Variants in PLEKHG6 observed in about 807,000 individuals in gnomAD.
The protein encoded by PLEKHG6 is pleckstrin homology and RhoGEF domain containing G6.
In PLEKHG6, 91 loss-of-function variants were observed where a neutral mutation model predicts 97.5. That is an observed-to-expected ratio of 0.93 (90% CI 0.79 to 1.11). The LOEUF is 1.11. Ranked by LOEUF, PLEKHG6 falls within the 50% of genes most tolerant of loss-of-function variation. The pLI, the probability that PLEKHG6 is intolerant of heterozygous loss-of-function variation, is 0.00. For synonymous variants in PLEKHG6, 466 were observed against 425.5 expected, an observed-to-expected ratio of 1.10 and a Z score of -1.17; for missense variants, 1,044 against 1,031.0, an observed-to-expected ratio of 1.01 and a Z score of -0.17.
rs1018856960 is a variant in PLEKHG6 at position 6,313,707 on chromosome 12, A to G, written c.217A>G (p.Arg73Gly). The change falls in exon 3 of 16, where the codon AGA becomes GGA. Residue 73 changes from arginine (R) to glycine (G), a missense_variant. By Grantham distance (125) the Arg-to-Gly change is moderately radical. Coordinates refer to ENST00000684764, the MANE Select transcript of PLEKHG6 (RefSeq NM_001384598.1). ...SGQARGLSPM[R>G]LRDPEPEKRH... Reference sequence around the variant, plus strand: ...CCAGGCCCGAGGCCTGTCACCCATGAGACTGCGAGATCCAGAGCCCGAGAA... The same window carrying G: ...CCAGGCCCGAGGCCTGTCACCCATGGGACTGCGAGATCCAGAGCCCGAGAA... 1 of 1,613,194 alleles carries G rather than the reference A, an allele frequency of 6.2e-7. No homozygotes were observed. Among genetic ancestry groups the G allele is most frequent in the African/African-American group, 1.3e-5 (1 of 74,888 alleles).
At position 6,318,470 on chromosome 12, in the gene PLEKHG6, G is replaced by GT. The variant is rs777051709; in HGVS notation, c.1275+51dup. ...AGGGGATGGGGCACGGTGGGAGAAG[G>GT]TAAGAGGCAGAAACGCCGGAAGTGG... On this transcript the variant is annotated intron_variant, in intron 11 of 15. Transcript: ENST00000684764. 6 of 1,551,932 alleles carry GT rather than the reference G, an allele frequency of 3.9e-6. No homozygotes were observed. In the African/African-American group the frequency reaches 8.2e-5, roughly 21 times the overall value.
At chr12:6,313,093 G>A (rs1358365145) in intron 2 of PLEKHG6, 2 of 1,533,522 alleles carry the variant, frequency 1.3e-6, no homozygotes, top group Non-Finnish European at 1.8e-6. Context: ...GGGAGGAGCT[G>A]TGTGGCTGTG....
Position 6,316,456 on chromosome 12 carries a change from G to T in PLEKHG6, c.756+52G>T. The T allele has an allele frequency of 2.0e-6, 3 of 1,498,404 alleles. No individual in the cohort carries two copies. The highest frequency in any genetic ancestry group is 2.7e-6 in the Non-Finnish European group (3 of 1,113,770). The allele number at this position is 1,498,404 out of a possible 1,614,324, so 92.8% of individuals were successfully genotyped here. Reference sequence around the variant, plus strand: ...GATGGGGCAGGACTCGGAGCCCTCGGGGGTCCTGTGTGTAGGGCATGCCCA... The same window carrying T: ...GATGGGGCAGGACTCGGAGCCCTCGTGGGTCCTGTGTGTAGGGCATGCCCA... On this transcript the variant is annotated intron_variant, in intron 7 of 15. Coordinates refer to ENST00000684764, the MANE Select transcript of PLEKHG6 (RefSeq NM_001384598.1). The surrounding 1 kb of genome is among the most constrained non-coding windows in gnomAD (Gnocchi z 4.1).
intron 3 of PLEKHG6, 59 bp downstream of exon 3, chr12:6,313,843 C>T: frequency 1.4e-6 from 2 of 1,455,014 alleles, no homozygotes; most frequent in South Asian, 2.7e-5. Flanking sequence ...GATGGCTCCG[C>T]AGATGACCAG....
chr12:6,317,369 C>G lies in PLEKHG6; in HGVS notation c.823C>G (p.Arg275Gly), dbSNP rs1255244692. 1.9e-6 allele frequency: 3 copies of G among 1,614,088 alleles called. No individual in the cohort carries two copies. In the African/African-American group the frequency reaches 4.0e-5, roughly 22 times the overall value. ...AGTGAAGCAGACCATGGCTTACGCC[C>G]GAGAACAGCAAGAAACTAACCCTCT... ...LRVKQTMAYA[R>G]EQQETNPLFH... Residue 275 changes from arginine (R) to glycine (G), a missense_variant, in exon 8 of 16, where the codon CGA (arginine) becomes GGA (glycine). Arg to Gly is a moderately radical substitution (Grantham distance 125). Transcript: ENST00000684764.
chr12:6,327,372 A>G lies in PLEKHG6; in HGVS notation c.1789A>G (p.Thr597Ala), dbSNP rs772083893. ...DSGYGTLIPGTPTGSRSPLSR... is the reference protein window; with the variant it reads ...DSGYGTLIPGAPTGSRSPLSR... ...TGGCTACGGCACTTTGATCCCAGGC[A>G]CCCCCACGGGGTCCCGCTCCCCACT... The change falls in exon 15 of 16, where the codon ACC becomes GCC. Residue 597 changes from threonine to alanine, a missense_variant. Transcript: ENST00000684764. 1 of 1,613,778 alleles carries G rather than the reference A, an allele frequency of 6.2e-7. No individual in the cohort carries two copies. Among genetic ancestry groups the G allele is most frequent in the South Asian group, 1.1e-5 (1 of 91,056 alleles).
At position 6,315,435 on chromosome 12, in the gene PLEKHG6, G is replaced by A; in HGVS notation, c.460-119G>A. 2.8e-6 allele frequency: 2 copies of A among 718,580 alleles called. No individual in the cohort carries two copies. Among genetic ancestry groups the A allele is most frequent in the Non-Finnish European group, 4.7e-6 (2 of 422,690 alleles). The allele number at this position is 718,580 out of a possible 1,614,324, so 44.5% of individuals were successfully genotyped here. On this transcript the variant is annotated intron_variant, in intron 4 of 15. Transcript: ENST00000684764. The surrounding 1 kb of genome is among the most constrained non-coding windows in gnomAD (Gnocchi z 4.5). ...CAGAGCACTGGTTTGAGGATTAAAA[G>A]GTCATGGTCATGCACAAAGTGCCTA...
chr12:6,324,648 G>A (rs1373440582), intron 13 of PLEKHG6, among the ~76,000 whole-genome samples: 1 of 152,180 alleles, frequency 6.6e-6, no homozygotes, highest in Non-Finnish European at 1.5e-5. Flanking sequence ...CCGGCCAACA[G>A]ACCACATCTT....
rs747553114 is a variant in PLEKHG6 at position 6,315,218 on chromosome 12, CA to C, written c.459+50del. 52 of 1,547,046 alleles carry C rather than the reference CA, an allele frequency of 3.4e-5. No individual in the cohort carries two copies. The highest frequency in any genetic ancestry group is 4.5e-5 in the Non-Finnish European group (51 of 1,138,222). ...AGTCTGTCCCCACGGCGTGAATGCA[CA>C]CACAGATTCTGCTCTAGAGGAGGGA... On this transcript the variant is annotated intron_variant, in intron 4 of 15. Transcript: ENST00000684764. The surrounding 1 kb of genome is among the most constrained non-coding windows in gnomAD (Gnocchi z 4.5).
chr12:6,328,042 G>A (rs752865242), intron 15 of PLEKHG6, 94 bp from the exon 16 acceptor site: 5 of 1,585,526 alleles, frequency 3.2e-6, no homozygotes, highest in Admixed American at 3.4e-5. Context: ...GCAGGAACAG[G>A]GGCTGAGGCA....
rs558500481 is a variant in PLEKHG6 at position 6,315,352 on chromosome 12, A to G, written c.459+183A>G. On this transcript the variant is annotated intron_variant, in intron 4 of 15. Transcript: ENST00000684764. The surrounding 1 kb of genome is among the most constrained non-coding windows in gnomAD (Gnocchi z 4.5). ...TAGTCAGACCTTGGTCAAGACAGTA[A>G]AGTTCTCTGGGCCTCAGTTGCCACA... Among the ~76,000 whole-genome samples the G allele has an allele frequency of 2.6e-5, 4 of 152,336 alleles. No homozygotes were observed. Among genetic ancestry groups the G allele is most frequent in the Admixed American group, 1.3e-4 (2 of 15,310 alleles).
rs1284976392 is a variant in PLEKHG6 at position 6,315,395 on chromosome 12, A to G, written c.460-159A>G. The stretch of plus-strand genomic sequence containing the variant: ...TTGCCACATATGTAAAGTGGGGATA[A>G]TACCACCTACACATCAGAGCACTGG... On this transcript the variant is annotated intron_variant, in intron 4 of 15. Coordinates refer to ENST00000684764, the MANE Select transcript of PLEKHG6 (RefSeq NM_001384598.1). The surrounding 1 kb of genome is among the most constrained non-coding windows in gnomAD (Gnocchi z 4.5). Among the ~76,000 whole-genome samples, 1 of 152,230 alleles carries G rather than the reference A, an allele frequency of 6.6e-6. No homozygotes were observed. The highest frequency in any genetic ancestry group is 1.5e-5 in the Non-Finnish European group (1 of 68,036).
At position 6,327,251 on chromosome 12, in the gene PLEKHG6, T is replaced by C; in HGVS notation, c.1671-3T>C. 1 of 1,571,374 alleles carries C rather than the reference T, an allele frequency of 6.4e-7. No individual in the cohort carries two copies. The highest frequency in any genetic ancestry group is 1.2e-5 in the South Asian group (1 of 86,192). ...GCATCTGACTCTTTGCCATTAACTG[T>C]AGGACTCCTGAGTTCTCGACCATTA... On this transcript the variant is annotated splice_polypyrimidine_tract_variant and splice_region_variant and intron_variant, in intron 14 of 15. Transcript: ENST00000684764.
rs201892290 is a variant in PLEKHG6, at chr12:6,318,352, G to A, written c.1207G>A (p.Ala403Thr). The A allele has an allele frequency of 1.7e-5, 28 of 1,614,006 alleles. No homozygotes were observed. Among genetic ancestry groups the A allele is most frequent in the Non-Finnish European group, 2.4e-5 (28 of 1,179,958 alleles). Residue 403 changes from alanine to threonine, a missense_variant, in exon 11 of 16, where the codon GCA (alanine) becomes ACA (threonine). Physicochemically the swap from Ala to Thr is moderately conservative, Grantham distance 58 (BLOSUM62 0). Coordinates refer to ENST00000684764, the MANE Select transcript of PLEKHG6 (RefSeq NM_001384598.1). ...CCTGACGTCCCCCATGCTGGGGGTT[G>A]CATCTGAGCACACCAGACAGCTGCT... ...LDLTSPMLGV[A>T]SEHTRQLLLE...
At chr12:6,317,786 T>C in intron 9 of PLEKHG6, 71 bp from the exon 10 acceptor site, 1 of 1,552,754 alleles carries the variant, frequency 6.4e-7, no homozygotes, top group Non-Finnish European at 8.7e-7. Context: ...TGTGGCGCTG[T>C]GCTGTGGCTG....
intron 14 of PLEKHG6, among the ~76,000 whole-genome samples, 187 bp downstream of exon 14, chr12:6,326,760 G>A (rs866289911): frequency 4.2e-4 from 64 of 152,346 alleles, no homozygotes; most frequent in African/African-American, 1.4e-3. Flanking sequence ...GTGTTGGGTT[G>A]GAGGTGGGGG....
rs10849442 is a variant in PLEKHG6 at position 6,326,409 on chromosome 12, C to T, written c.1525-19C>T. 759,787 of 1,596,536 alleles carry T rather than the reference C, an allele frequency of 0.48. 184,936 individuals carry two copies. The highest frequency in any genetic ancestry group is 0.63 in the African/African-American group (47,166 of 74,492). On this transcript the variant is annotated intron_variant, in intron 13 of 15. Coordinates refer to ENST00000684764, the MANE Select transcript of PLEKHG6 (RefSeq NM_001384598.1). ...CTCAATAAATGAGAGCTCTTAATAA[C>T]GAAAGTGTCCTGTCCCAGGCCGCCC...
At chr12:6,326,795 T>C (rs1947873978) in intron 14 of PLEKHG6, among the ~76,000 whole-genome samples, 1 of 152,006 alleles carries the variant, frequency 6.6e-6, no homozygotes, top group Non-Finnish European at 1.5e-5. Context: ...GCCTACAGAG[T>C]TAGCCTGCCT....
At chr12:6,325,852 A>G (rs972934790) in intron 13 of PLEKHG6, among the ~76,000 whole-genome samples, 9 of 151,940 alleles carry the variant, frequency 5.9e-5, no homozygotes, top group African/African-American at 1.9e-4. Flanking sequence ...CTCACCCCCA[A>G]CACTAGCTCC....
Sources: allele counts gnomAD v4.1 joint callset (sites outside exome capture counted in the v4.1 genomes callset), GRCh38; gene constraint gnomAD v4.1.1; non-coding constraint Gnocchi (gnomAD v3.1); transcripts MANE v1.5; gene names NCBI Gene and HGNC (gene_info 2026-07-23, HGNC 2026-07-21).